The following MIGA1 variants were observed in gnomAD, a reference collection of about 807,000 sequenced individuals.
MIGA1 encodes the protein mitoguardin 1.
Under a neutral mutation model 82.0 loss-of-function variants are expected in MIGA1, and 58 were observed. The observed-to-expected ratio is 0.71, with a 90% confidence interval of 0.57 to 0.88. MIGA1 has a LOEUF of 0.88. Among genes scored for constraint, MIGA1 ranks in the 40% least tolerant of loss-of-function variants. The probability of loss-of-function intolerance (pLI) is 0.00; values close to 1 mark genes in which losing one functional copy is unlikely to be tolerated. For missense variants in MIGA1, 751 were observed against 749.1 expected (o/e 1.00, Z -0.03); for synonymous variants, 249 against 253.6 (o/e 0.98, Z 0.17).
At chr1:77,843,444 C>T (rs1217996007) in intron 8 of MIGA1, 37 bp downstream of exon 8, 2 of 1,512,796 alleles carry the variant, frequency 1.3e-6, no homozygotes, top group Middle Eastern at 1.7e-4. Flanking sequence ...ATTTCTGTTT[C>T]TTTTTTGGTG....
At chr1:77,779,894 G>T (rs1019459515) in intron 1 of MIGA1, 158 bp downstream of exon 1, 1 of 1,424,082 alleles carries the variant, frequency 7.0e-7, no homozygotes, top group East Asian at 2.6e-5. Flanking sequence ...CGGAAAGCCA[G>T]AGGGTCTACG....
rs562930090 is a variant in MIGA1, at chr1:77,798,310, A to G, written c.196-3021A>G. On this transcript the variant is annotated intron_variant, in intron 2 of 15. Coordinates refer to ENST00000370791, the MANE Select transcript of MIGA1 (RefSeq NM_198549.4). Reference sequence around the variant, plus strand: ...GACATTCTTGGCTGTAGCAGCATGGATTAGTCAGTTCTCACTCTGCTGATA... The same window carrying G: ...GACATTCTTGGCTGTAGCAGCATGGGTTAGTCAGTTCTCACTCTGCTGATA... 3.4e-4 allele frequency among the ~76,000 whole-genome samples: 51 copies of G among 152,236 alleles called. 1 individual carries two copies. The highest frequency in any genetic ancestry group is 3.1e-3 in the Admixed American group (48 of 15,286).
At chr1:77,865,799 T>C (rs1685641531) in intron 13 of MIGA1, among the ~76,000 whole-genome samples, 1 of 152,030 alleles carries the variant, frequency 6.6e-6, no homozygotes, top group Non-Finnish European at 1.5e-5. Context: ...TTTTACTTTT[T>C]TTTTTTTGCC....
chr1:77,867,089 TAA>T (rs954628918), intron 14 of MIGA1, among the ~76,000 whole-genome samples: 1 of 152,084 alleles, frequency 6.6e-6, no homozygotes, highest in African/African-American at 2.4e-5. Context: ...CCCCTACAAA[TAA>T]AAAGTCTCAG....
intron 8 of MIGA1, among the ~76,000 whole-genome samples, chr1:77,844,811 A>G (rs1052925236): frequency 6.6e-6 from 1 of 152,122 alleles, no homozygotes; most frequent in Non-Finnish European, 1.5e-5. Context: ...GTGAAACACC[A>G]TCCCTACAAA....
chr1:77,783,169 T>C, intron 1 of MIGA1, 69 bp from the exon 2 acceptor site: 2 of 1,065,464 alleles, frequency 1.9e-6, no homozygotes, highest in Admixed American at 2.1e-5. Flanking sequence ...ATTTTCAGTT[T>C]GTACCTTTCA....
Position 77,783,253 on chromosome 1 carries a change from A to G in MIGA1, c.97A>G (p.Met33Val). 1 of 1,590,524 alleles carries G rather than the reference A, an allele frequency of 6.3e-7. No homozygotes were observed. Among genetic ancestry groups the G allele is most frequent in the African/African-American group, 1.3e-5 (1 of 74,784 alleles). The change falls in exon 2 of 16, where the codon ATG becomes GTG. Residue 33 changes from methionine (M) to valine (V), a missense_variant. Met to Val is a conservative substitution (Grantham distance 21, BLOSUM62 1). Coordinates refer to ENST00000370791, the MANE Select transcript of MIGA1 (RefSeq NM_198549.4). ...TTTAATGAAGATTAGAAGAGGAGCCATGTCAGAAGAAACAGTAAGTGAATC... is the reference window on the plus strand; with the variant it reads ...TTTAATGAAGATTAGAAGAGGAGCCGTGTCAGAAGAAACAGTAAGTGAATC...
intron 4 of MIGA1, among the ~76,000 whole-genome samples, chr1:77,806,552 G>A (rs901161908): frequency 2.0e-5 from 3 of 152,106 alleles, no homozygotes; most frequent in Admixed American, 6.5e-5. Context: ...GCTAGGAGAG[G>A]GCATTTACAA....
chr1:77,779,923 C>G, intron 1 of MIGA1, 187 bp downstream of exon 1: 1 of 1,381,960 alleles, frequency 7.2e-7, no homozygotes, highest in Non-Finnish European at 9.3e-7. Context: ...ACCCTGAACA[C>G]CCCCGACCTC....
intron 2 of MIGA1, among the ~76,000 whole-genome samples, chr1:77,789,230 C>T (rs1330350698): frequency 2.5e-5 from 3 of 118,248 alleles, no homozygotes; most frequent in Non-Finnish European, 4.9e-5. Context: ...TTCTTTGAGA[C>T]GAGGTCTTGC....
intron 7 of MIGA1, among the ~76,000 whole-genome samples, chr1:77,833,365 T>C (rs1184956284): frequency 6.6e-6 from 1 of 152,204 alleles, no homozygotes; most frequent in Non-Finnish European, 1.5e-5. Flanking sequence ...AAGGGTTTAG[T>C]AATAACACAA....
intron 2 of MIGA1, among the ~76,000 whole-genome samples, chr1:77,784,935 A>G (rs1184762123): frequency 1.3e-5 from 2 of 152,208 alleles, no homozygotes; most frequent in South Asian, 2.1e-4. Context: ...CAGCAAGGGA[A>G]GGACTTGTCC....
chr1:77,847,162 T>C (rs1684874587), intron 8 of MIGA1: 3 of 1,266,220 alleles, frequency 2.4e-6, no homozygotes, highest in Non-Finnish European at 2.3e-6. Flanking sequence ...AACACAGCAG[T>C]TGCATCCTGT....
chr1:77,818,531 T>A lies in MIGA1; in HGVS notation c.895+3300T>A, dbSNP rs561184558. On this transcript the variant is annotated intron_variant, in intron 7 of 15. Coordinates refer to ENST00000370791, the MANE Select transcript of MIGA1 (RefSeq NM_198549.4). ...CCTAGTACATGGTAACAAACAATAG[T>A]GGCTACTAGTTATTAGTAGCTACTA... Among the ~76,000 whole-genome samples the A allele has an allele frequency of 2.6e-5, 4 of 152,254 alleles. No individual in the cohort carries two copies. The South Asian group carries it at 8.3e-4, about 32-fold the overall frequency.
chr1:77,837,503 A>G (rs1231967555), intron 7 of MIGA1, among the ~76,000 whole-genome samples: 2 of 152,180 alleles, frequency 1.3e-5, no homozygotes, highest in Non-Finnish European at 2.9e-5. Flanking sequence ...GATTCCTGAT[A>G]CATAAAATGA....
intron 2 of MIGA1, among the ~76,000 whole-genome samples, chr1:77,783,870 G>C (rs1465240819): frequency 1.3e-5 from 2 of 152,044 alleles, no homozygotes; most frequent in African/African-American, 2.4e-5. Context: ...TCTGTTTCCT[G>C]TCTGTATGAA....
chr1:77,869,193 C>T (rs1420629545), intron 14 of MIGA1, among the ~76,000 whole-genome samples: 2 of 143,006 alleles, frequency 1.4e-5, no homozygotes, highest in Admixed American at 1.4e-4. Flanking sequence ...GCACATCTTG[C>T]ACCGCCCTTA....
In MIGA1 at chr1:77,807,045, A is replaced by G. The variant is rs773168463; in HGVS notation, c.581A>G (p.Asp194Gly). 2.7e-5 allele frequency: 44 copies of G among 1,603,492 alleles called. No individual in the cohort carries two copies. The highest frequency in any genetic ancestry group is 1.3e-4 in the Admixed American group (8 of 59,906). ...AATTCCTGGGACAAAGCAGATGAAG[A>G]TGATATTAAACTTGTTAATATTCCT... is the stretch of plus-strand genomic sequence containing the variant. The change falls in exon 5 of 16, where the codon GAT becomes GGT. Residue 194 changes from aspartate to glycine, a missense_variant. Transcript: ENST00000370791.
chr1:77,780,194 T>C, intron 1 of MIGA1: 1 of 987,348 alleles, frequency 1.0e-6, no homozygotes, highest in African/African-American at 1.7e-5. Flanking sequence ...GCGCTGGAGG[T>C]AGGGCAGCTG....
Sources: gnomAD v4.1 joint callset for allele counts (sites outside exome capture counted in the v4.1 genomes callset) on GRCh38, gnomAD v4.1.1 for gene constraint, MANE v1.5 for transcripts, NCBI Gene and HGNC (gene_info 2026-07-23, HGNC 2026-07-21) for gene names.